Variants in CFAP299 observed in about 807,000 individuals in gnomAD.
CFAP299 encodes cilia- and flagella-associated protein 299.
Under a neutral mutation model 27.0 loss-of-function variants are expected in CFAP299, and 21 were observed. That is an observed-to-expected ratio of 0.78 (90% confidence interval 0.55 to 1.12). The LOEUF (loss-of-function observed/expected upper bound fraction) is 1.12. Among genes scored for constraint, CFAP299 ranks in the 50% most tolerant of loss-of-function variants. The probability of loss-of-function intolerance (pLI) is 0.00; values close to 1 mark genes in which losing one functional copy is unlikely to be tolerated. For synonymous variants in CFAP299, 104 were observed against 98.1 expected (o/e 1.06, Z -0.36); for missense variants, 310 against 276.6 (o/e 1.12, Z -0.86).
chr4:80,386,083 C>T (rs1051117357), intron 2 of CFAP299: 13 of 445,520 alleles, frequency 2.9e-5, no homozygotes, highest in African/African-American at 2.2e-4. Context: ...CTCGATGGCT[C>T]GCTTCCACTG....
chr4:80,490,816 T>C (rs1212640445), intron 2 of CFAP299, among the ~76,000 whole-genome samples: 1 of 152,140 alleles, frequency 6.6e-6, no homozygotes, highest in South Asian at 2.1e-4. Context: ...ATTCAATAAC[T>C]CAGTAAAATT....
At chr4:80,615,319 T>C (rs1270684189) in intron 3 of CFAP299, among the ~76,000 whole-genome samples, 2 of 152,152 alleles carry the variant, frequency 1.3e-5, no homozygotes, top group Non-Finnish European at 2.9e-5. Context: ...TAAACAGTGA[T>C]ATGGAAGTTA....
intron 4 of CFAP299, among the ~76,000 whole-genome samples, chr4:80,934,617 T>A (rs1450693136): frequency 6.6e-6 from 1 of 151,996 alleles, no homozygotes; most frequent in African/African-American, 2.4e-5. Context: ...CAAGATTCAA[T>A]CTTGTTAGGT....
intron 2 of CFAP299, among the ~76,000 whole-genome samples, chr4:80,503,282 T>C (rs1234008825): frequency 1.3e-5 from 2 of 152,126 alleles, no homozygotes; most frequent in East Asian, 1.9e-4. Flanking sequence ...TTTTGGTACA[T>C]ATATTATAAG....
the CFAP299 span, among the ~76,000 whole-genome samples, chr4:80,330,089 G>T: frequency 1.3e-5 from 2 of 152,092 alleles, no homozygotes; most frequent in African/African-American, 4.8e-5. Flanking sequence ...GATCTAAAAT[G>T]AAAATCTTCT....
intron 4 of CFAP299, among the ~76,000 whole-genome samples, chr4:80,924,514 A>ATGTGTGTG (rs35374483): frequency 0.013 from 1,718 of 137,424 alleles, 39 homozygotes; most frequent in African/African-American, 0.043. Flanking sequence ...ACAATTCATT[A>ATGTGTGTG]TGTGTGTGTG....
At chr4:80,490,314 A>T (rs775682994) in intron 2 of CFAP299, among the ~76,000 whole-genome samples, 7 of 152,216 alleles carry the variant, frequency 4.6e-5, no homozygotes, top group Admixed American at 4.6e-4. Context: ...AAAAAAATGT[A>T]TGTCACCAAA....
chr4:80,785,030 T>A (rs34991637), intron 3 of CFAP299, among the ~76,000 whole-genome samples: 1 of 152,172 alleles, frequency 6.6e-6, no homozygotes, highest in Non-Finnish European at 1.5e-5. Flanking sequence ...TTCTTTGCTG[T>A]GCAGAATGTA....
At chr4:80,761,538 TACTTC>T (rs1725539680) in intron 3 of CFAP299, among the ~76,000 whole-genome samples, 1 of 152,050 alleles carries the variant, frequency 6.6e-6, no homozygotes, top group Non-Finnish European at 1.5e-5. Context: ...AAGGAGGAAA[TACTTC>T]ACTTTAGATT....
chr4:80,380,421 C>CTT (rs1560538174), intron 2 of CFAP299, among the ~76,000 whole-genome samples: 4 of 109,066 alleles, frequency 3.7e-5, no homozygotes, highest in Admixed American at 2.1e-4. Flanking sequence ...TTGTGTCTCA[C>CTT]ATTTTTTTTT....
chr4:80,768,400 A>G (rs1726019539), intron 3 of CFAP299, among the ~76,000 whole-genome samples: 1 of 152,238 alleles, frequency 6.6e-6, no homozygotes, highest in South Asian at 2.1e-4. Context: ...TGAAAAATCT[A>G]ATCCATCAAA....
In CFAP299 at chr4:80,860,203, C is replaced by T. The variant is rs376423826; in HGVS notation, c.334-9790C>T. On this transcript the variant is annotated intron_variant, in intron 3 of 5. Coordinates refer to ENST00000358105, the MANE Select transcript of CFAP299 (RefSeq NM_152770.3). ...TACCCTTTCTTCCAGTTGATCGCAT[C>T]GGCTCCTGAGGCTTCTGCATTCTTC... Among the ~76,000 whole-genome samples, 12 of 152,310 alleles carry T rather than the reference C, an allele frequency of 7.9e-5. No individual in the cohort carries two copies. In the South Asian group the frequency reaches 2.3e-3, roughly 29 times the overall value.
intron 3 of CFAP299, among the ~76,000 whole-genome samples, chr4:80,682,510 T>G (rs999535743): frequency 1.3e-5 from 2 of 152,120 alleles, no homozygotes; most frequent in African/African-American, 4.8e-5. Flanking sequence ...CAGCTAAATT[T>G]TCTATCTAAA....
intron 3 of CFAP299, among the ~76,000 whole-genome samples, chr4:80,855,620 T>C (rs1319188600): frequency 6.6e-6 from 1 of 152,162 alleles, no homozygotes; most frequent in Non-Finnish European, 1.5e-5. Context: ...TGTGTTCTCA[T>C]TGTTCAATTC....
At chr4:80,733,891 A>T (rs1187686426) in intron 3 of CFAP299, among the ~76,000 whole-genome samples, 1 of 152,140 alleles carries the variant, frequency 6.6e-6, no homozygotes, top group African/African-American at 2.4e-5. Flanking sequence ...GGTTGCTTCC[A>T]AATCTTAGCT....
At chr4:80,386,871 A>C (rs1725037661) in intron 2 of CFAP299, 1 of 859,976 alleles carries the variant, frequency 1.2e-6, no homozygotes, top group African/African-American at 1.6e-5. Flanking sequence ...CTTGAGGTTG[A>C]ATGCGGACTC....
At chr4:80,850,681 C>T (rs1258745429) in intron 3 of CFAP299, among the ~76,000 whole-genome samples, 1 of 151,950 alleles carries the variant, frequency 6.6e-6, no homozygotes, top group Non-Finnish European at 1.5e-5. Flanking sequence ...CTTCAGAACT[C>T]CAAGTAGCTA....
intron 4 of CFAP299, among the ~76,000 whole-genome samples, chr4:80,941,756 T>G (rs1401307583): frequency 1.3e-5 from 2 of 152,132 alleles, no homozygotes; most frequent in African/African-American, 4.8e-5. Context: ...TGGGGAGGTC[T>G]TAGGGAGCTT....
intron 3 of CFAP299, among the ~76,000 whole-genome samples, chr4:80,704,414 AAGAT>A (rs2110030425): frequency 6.6e-6 from 1 of 151,758 alleles, no homozygotes; most frequent in Non-Finnish European, 1.5e-5. Flanking sequence ...CACAGGAAAT[AAGAT>A]AGGTTGTCAG....
Sources: gnomAD v4.1 joint callset for allele counts (sites outside exome capture counted in the v4.1 genomes callset) on GRCh38, gnomAD v4.1.1 for gene constraint, MANE v1.5 for transcripts, NCBI Gene and HGNC (gene_info 2026-07-23, HGNC 2026-07-21) for gene names.